Variants in ITFG1 observed in about 807,000 individuals in gnomAD.
ITFG1 encodes the protein integrin alpha FG-GAP repeat containing 1.
In ITFG1, 34 loss-of-function variants were observed where a neutral mutation model predicts 81.8. That is an observed-to-expected ratio of 0.42 (90% CI 0.32 to 0.55). The LOEUF (loss-of-function observed/expected upper bound fraction) is 0.55. Among genes scored for constraint, ITFG1 ranks in the 20% least tolerant of loss-of-function variants. The pLI is 0.17. For synonymous variants in ITFG1, 285 were observed against 270.6 expected (o/e 1.05, Z -0.52); for missense variants, 672 against 755.4 (o/e 0.89, Z 1.29).
chr16:47,379,996 T>C (rs557792723), intron 6 of ITFG1, among the ~76,000 whole-genome samples: 8 of 149,312 alleles, frequency 5.4e-5, no homozygotes, highest in African/African-American at 2.0e-4. Context: ...CTGAACATGA[T>C]TGATCTGAAA....
chr16:47,204,184 T>C (rs1266997549), intron 14 of ITFG1, among the ~76,000 whole-genome samples: 2 of 152,168 alleles, frequency 1.3e-5, no homozygotes, highest in Admixed American at 6.5e-5. Context: ...TTATCCCCAG[T>C]AAAATCTTTC....
At chr16:47,459,011 A>G in intron 2 of ITFG1, 92 bp downstream of exon 2, 2 of 804,556 alleles carry the variant, frequency 2.5e-6, no homozygotes, top group Non-Finnish European at 4.2e-6. Flanking sequence ...CCCAACACTA[A>G]GGCTGACTTT....
At chr16:47,285,162 C>T (rs1391331795) in intron 10 of ITFG1, among the ~76,000 whole-genome samples, 1 of 152,136 alleles carries the variant, frequency 6.6e-6, no homozygotes, top group Non-Finnish European at 1.5e-5. Context: ...GCTAATGTTC[C>T]TTTCTGATCC....
chr16:47,297,935 G>C (rs1342903830), intron 10 of ITFG1, among the ~76,000 whole-genome samples: 1 of 151,996 alleles, frequency 6.6e-6, no homozygotes, highest in East Asian at 1.9e-4. Context: ...TTCCAGTCTT[G>C]TTACTTTTTC....
In ITFG1 at chr16:47,313,295, T is replaced by A. The variant is rs950198633; in HGVS notation, c.897+434A>T. Among the ~76,000 whole-genome samples the A allele has an allele frequency of 3.8e-4, 58 of 152,312 alleles. 1 individual carries two copies. The highest frequency in any genetic ancestry group is 1.2e-3 in the African/African-American group (48 of 41,586). ...TAACCTATCATTCCCATATTAATCC[T>A]CCACTGTGACTGTCAGATTCTAAAT... is the stretch of plus-strand genomic sequence containing the variant. On this transcript the variant is annotated intron_variant, in intron 9 of 17. Coordinates refer to ENST00000320640, the MANE Select transcript of ITFG1 (RefSeq NM_030790.5).
intron 14 of ITFG1, among the ~76,000 whole-genome samples, chr16:47,169,700 G>A (rs1189789992): frequency 3.3e-5 from 5 of 152,164 alleles, no homozygotes; most frequent in Non-Finnish European, 5.9e-5. Flanking sequence ...ATTGCTAAGT[G>A]TAGGAATTCC....
intron 12 of ITFG1, among the ~76,000 whole-genome samples, chr16:47,256,874 C>T (rs1966144974): frequency 6.6e-6 from 1 of 152,102 alleles, no homozygotes; most frequent in Non-Finnish European, 1.5e-5. Context: ...GTACATGTGC[C>T]TTTTTTGGTC....
chr16:47,311,850 CAG>C (rs1306511699), intron 9 of ITFG1: 1 of 153,498 alleles, frequency 6.5e-6, no homozygotes, highest in Non-Finnish European at 1.4e-5. Context: ...TAGAACATGA[CAG>C]AGACCCCGTT....
chr16:47,411,733 A>G (rs979152401), intron 6 of ITFG1, among the ~76,000 whole-genome samples: 1 of 152,170 alleles, frequency 6.6e-6, no homozygotes, highest in Admixed American at 6.5e-5. Context: ...AGATGGGTGC[A>G]GTCCTAATGA....
intron 14 of ITFG1, chr16:47,202,160 T>C (rs553042407): frequency 3.9e-5 from 6 of 152,348 alleles, no homozygotes; most frequent in African/African-American, 1.2e-4. Flanking sequence ...TAGATAATAG[T>C]AGACATTCAT....
In ITFG1 at chr16:47,311,310, G is replaced by C; in HGVS notation, c.1000C>G (p.Leu334Val). The C allele has an allele frequency of 6.2e-7, 1 of 1,611,522 alleles. No individual in the cohort carries two copies. Among genetic ancestry groups the C allele is most frequent in the South Asian group, 1.1e-5 (1 of 91,024 alleles). Residue 334 changes from leucine (L) to valine (V), a missense_variant, in exon 10 of 18, where the codon CTT (leucine) becomes GTT (valine). By Grantham distance (32) the Leu-to-Val change is conservative (BLOSUM62 1). Coordinates refer to ENST00000320640, the MANE Select transcript of ITFG1 (RefSeq NM_030790.5). ...TCCATATTGTAGTCTCCAATATGAA[G>C]GGTAATTGGAATTGGTATTTCAGTT... Reference protein sequence around the residue: ...QPTEIPIPITLHIGDYNMDGY... With the variant: ...QPTEIPIPITVHIGDYNMDGY...
At chr16:47,276,818 G>T (rs1035192395) in intron 10 of ITFG1, among the ~76,000 whole-genome samples, 8 of 152,078 alleles carry the variant, frequency 5.3e-5, no homozygotes, top group Non-Finnish European at 1.0e-4. Flanking sequence ...TTATCCAAGA[G>T]AAATGAATTA....
intron 10 of ITFG1, among the ~76,000 whole-genome samples, chr16:47,291,086 C>T (rs1966899395): frequency 6.6e-6 from 1 of 152,034 alleles, no homozygotes; most frequent in African/African-American, 2.4e-5. Flanking sequence ...TAAATTCTCT[C>T]AGATTTTTTT....
chr16:47,179,046 A>G (rs1221656922), intron 14 of ITFG1, among the ~76,000 whole-genome samples: 1 of 152,156 alleles, frequency 6.6e-6, no homozygotes, highest in Non-Finnish European at 1.5e-5. Flanking sequence ...CACACCAGTT[A>G]GAATGGCGAT....
At chr16:47,390,128 C>T (rs140087765) in intron 6 of ITFG1, among the ~76,000 whole-genome samples, 84 of 152,314 alleles carry the variant, frequency 5.5e-4, no homozygotes, top group African/African-American at 1.9e-3. Context: ...CATTCCTTTT[C>T]AGTCTGTTAA....
intron 12 of ITFG1, among the ~76,000 whole-genome samples, chr16:47,256,932 G>A (rs1239032434): frequency 6.6e-6 from 1 of 152,134 alleles, no homozygotes; most frequent in Non-Finnish European, 1.5e-5. Flanking sequence ...CAATAGTAAT[G>A]CAAAAACAGT....
chr16:47,204,337 CTG>C (rs1321956666), intron 14 of ITFG1, among the ~76,000 whole-genome samples: 1 of 152,188 alleles, frequency 6.6e-6, no homozygotes, highest in Non-Finnish European at 1.5e-5. Flanking sequence ...GTTTGAATTT[CTG>C]TGAGTCATTC....
At chr16:47,434,495 T>A (rs1348592764) in intron 5 of ITFG1, among the ~76,000 whole-genome samples, 1 of 151,896 alleles carries the variant, frequency 6.6e-6, no homozygotes, top group African/African-American at 2.4e-5. Flanking sequence ...AAAACCACAA[T>A]GAGATACCAT....
intron 10 of ITFG1, among the ~76,000 whole-genome samples, chr16:47,302,912 GCTT>G (rs1029665549): frequency 9.8e-5 from 15 of 152,306 alleles, no homozygotes; most frequent in Middle Eastern, 3.4e-3. Context: ...TCTGAACTAA[GCTT>G]CTTCTCTGCA....
Sources: gnomAD v4.1 joint callset for allele counts (sites outside exome capture counted in the v4.1 genomes callset) on GRCh38, gnomAD v4.1.1 for gene constraint, MANE v1.5 for transcripts, NCBI Gene and HGNC (gene_info 2026-07-23, HGNC 2026-07-21) for gene names.